The following ORC5 variants were observed in gnomAD, a reference collection of about 807,000 sequenced individuals.
The protein encoded by ORC5 is origin recognition complex subunit 5.
ORC5 carries 39 observed loss-of-function variants against 58.8 expected under a neutral mutation model. The ratio of observed to expected loss-of-function variants is 0.66; its 90% CI spans 0.51 to 0.87. The LOEUF is 0.87. ORC5 is among the 40% of genes least tolerant of loss of function. ORC5 has a pLI of 0.00. For missense variants in ORC5, 493 were observed against 506.3 expected, an observed-to-expected ratio of 0.97 and a Z score of 0.25; for synonymous variants, 218 against 177.6, an observed-to-expected ratio of 1.23 and a Z score of -1.81.
chr7:104,153,444 A>G (rs1025327950), intron 12 of ORC5, among the ~76,000 whole-genome samples: 9 of 152,196 alleles, frequency 5.9e-5, no homozygotes, highest in Non-Finnish European at 1.0e-4. Flanking sequence ...AGTAGGCATT[A>G]AGTAAGGCTC....
intron 13 of ORC5, among the ~76,000 whole-genome samples, chr7:104,135,602 A>G (rs1206298221): frequency 3.9e-5 from 6 of 152,170 alleles, no homozygotes; most frequent in Non-Finnish European, 1.5e-5. Flanking sequence ...CATTCATTCA[A>G]TAATTTATTA....
Position 104,207,919 on chromosome 7 carries a change from C to G in ORC5, c.-15G>C, listed in dbSNP as rs1209087573. The G allele has an allele frequency of 7.4e-6, 12 of 1,613,382 alleles. No individual in the cohort carries two copies. Among genetic ancestry groups the G allele is most frequent in the Non-Finnish European group, 8.5e-6 (10 of 1,179,464 alleles). ...AAGTGGGGCATTCTGGCAGGCACCA[C>G]CGCAGAGGCCAGTGCAGCCAGCCCA... On this transcript the variant is annotated 5_prime_UTR_variant, in exon 1 of 14. Transcript: ENST00000297431.
At chr7:104,143,253 G>A (rs961729060) in intron 12 of ORC5, among the ~76,000 whole-genome samples, 2 of 151,606 alleles carry the variant, frequency 1.3e-5, no homozygotes, top group Non-Finnish European at 2.9e-5. Context: ...CTGTTAATTC[G>A]AACACTCACA....
At chr7:104,197,946 T>C (rs1799841804) in intron 3 of ORC5, 147 bp from the exon 4 acceptor site, 1 of 539,720 alleles carries the variant, frequency 1.9e-6, no homozygotes, top group Non-Finnish European at 3.2e-6. Context: ...GCATAAAAGA[T>C]GATTAAGTCA....
At chr7:104,201,230 C>T (rs1225652921) in intron 2 of ORC5, among the ~76,000 whole-genome samples, 2 of 152,096 alleles carry the variant, frequency 1.3e-5, no homozygotes, top group African/African-American at 2.4e-5. Flanking sequence ...CCCACCATGA[C>T]CCCTCAGTGG....
intron 5 of ORC5, among the ~76,000 whole-genome samples, chr7:104,191,610 A>G (rs983045722): frequency 1.3e-5 from 2 of 150,778 alleles, no homozygotes; most frequent in Non-Finnish European, 3.0e-5. Context: ...GTGTTGCTGT[A>G]AAAGTAACCT....
chr7:104,192,393 T>C (rs1422884985), intron 5 of ORC5, among the ~76,000 whole-genome samples: 1 of 152,132 alleles, frequency 6.6e-6, no homozygotes, highest in Non-Finnish European at 1.5e-5. Flanking sequence ...TTTTTCATGT[T>C]GCCACTAGTC....
intron 12 of ORC5, among the ~76,000 whole-genome samples, chr7:104,143,236 T>C (rs1208916120): frequency 6.6e-6 from 1 of 152,188 alleles, no homozygotes; most frequent in Non-Finnish European, 1.5e-5. Context: ...TCATAACTGA[T>C]ACTTTCCTGT....
intron 12 of ORC5, 71 bp downstream of exon 12, chr7:104,161,001 G>A (rs1799012582): frequency 9.4e-6 from 8 of 853,598 alleles, no homozygotes; most frequent in Admixed American, 7.9e-5. Flanking sequence ...CTGAATGCCT[G>A]GAATTCTATT....
intron 12 of ORC5, among the ~76,000 whole-genome samples, chr7:104,157,791 G>C (rs1321793599): frequency 6.6e-6 from 1 of 152,098 alleles, no homozygotes; most frequent in Non-Finnish European, 1.5e-5. Flanking sequence ...GGTGTGGCAT[G>C]TGGTGGCAGT....
intron 8 of ORC5, among the ~76,000 whole-genome samples, chr7:104,174,409 G>T (rs1480036591): frequency 6.6e-6 from 1 of 152,110 alleles, no homozygotes; most frequent in Non-Finnish European, 1.5e-5. Flanking sequence ...AAACAAAATG[G>T]GATCCTCAAA....
intron 12 of ORC5, among the ~76,000 whole-genome samples, chr7:104,145,798 C>T (rs1405403080): frequency 6.6e-6 from 1 of 152,092 alleles, no homozygotes; most frequent in Admixed American, 6.6e-5. Flanking sequence ...GAATTCCCCA[C>T]CCAAGAGCGA....
At chr7:104,189,658 T>C (rs1231663529) in intron 5 of ORC5, among the ~76,000 whole-genome samples, 10 of 152,160 alleles carry the variant, frequency 6.6e-5, no homozygotes, top group Admixed American at 3.9e-4. Context: ...ATAGTAAATA[T>C]ATCCACATGC....
intron 12 of ORC5, among the ~76,000 whole-genome samples, chr7:104,137,998 G>A (rs1277794086): frequency 6.6e-6 from 1 of 152,178 alleles, no homozygotes; most frequent in Non-Finnish European, 1.5e-5. Flanking sequence ...CGCCCACTGC[G>A]GCTTCAGGAG....
intron 8 of ORC5, among the ~76,000 whole-genome samples, chr7:104,181,598 A>T (rs1190445190): frequency 1.3e-5 from 2 of 152,034 alleles, no homozygotes; most frequent in African/African-American, 4.8e-5. Flanking sequence ...ATCCTGGCTA[A>T]CACGGTGAAA....
intron 8 of ORC5, among the ~76,000 whole-genome samples, chr7:104,169,105 C>G (rs1156837694): frequency 2.0e-5 from 3 of 151,914 alleles, no homozygotes; most frequent in African/African-American, 7.3e-5. Flanking sequence ...AACAAAAAAC[C>G]AATAAATACT....
At chr7:104,159,343 G>C (rs1584492594) in intron 12 of ORC5, among the ~76,000 whole-genome samples, 1 of 88,194 alleles carries the variant, frequency 1.1e-5, no homozygotes, top group Non-Finnish European at 2.1e-5. Flanking sequence ...GGGGGGAGGG[G>C]GGAGGGATAG....
intron 12 of ORC5, among the ~76,000 whole-genome samples, chr7:104,156,505 A>G (rs565559323): frequency 5.9e-5 from 9 of 151,760 alleles, no homozygotes; most frequent in Non-Finnish European, 1.2e-4. Context: ...CTATTTTTAT[A>G]ACTTCATTAT....
intron 5 of ORC5, among the ~76,000 whole-genome samples, chr7:104,189,687 C>T (rs575734236): frequency 2.5e-4 from 38 of 152,158 alleles, no homozygotes; most frequent in African/African-American, 8.4e-4. Flanking sequence ...TAGCACACTC[C>T]AGCCCCACAG....
Sources: gnomAD v4.1 joint callset for allele counts (sites outside exome capture counted in the v4.1 genomes callset) on GRCh38, gnomAD v4.1.1 for gene constraint, MANE v1.5 for transcripts, NCBI Gene and HGNC (gene_info 2026-07-23, HGNC 2026-07-21) for gene names.